The following KHDRBS2 variants were observed in gnomAD, a reference collection of about 807,000 sequenced individuals.
KHDRBS2 encodes KH domain-containing, RNA-binding, signal transduction-associated protein 2.
In KHDRBS2, 26 loss-of-function variants were observed where a neutral mutation model predicts 44.3. That is an observed-to-expected ratio of 0.59 (90% CI 0.43 to 0.81). KHDRBS2 has a LOEUF of 0.81. Among genes scored for constraint, KHDRBS2 ranks in the 40% least tolerant of loss-of-function variants. KHDRBS2 has a pLI of 0.00. For missense variants in KHDRBS2, 476 were observed against 433.1 expected (o/e 1.10, Z -0.88); for synonymous variants, 194 against 151.1 (o/e 1.28, Z -2.08).
In KHDRBS2 at chr6:61,818,266, T is replaced by TAAAAAAAAAAA. The variant is rs60399147; in HGVS notation, c.810+76358_810+76368dup. On this transcript the variant is annotated intron_variant, in intron 6 of 8. Coordinates refer to ENST00000281156, the MANE Select transcript of KHDRBS2 (RefSeq NM_152688.4). ...ATTGGGCAGAGAAAACCTCTGTAAG[T>TAAAAAAAAAAA]AAAAAAAAAAAAAAAAAGGATAGTA... Among the ~76,000 whole-genome samples the TAAAAAAAAAAA allele has an allele frequency of 9.7e-3, 1,104 of 114,110 alleles. 25 individuals are homozygous for TAAAAAAAAAAA. The highest frequency in any genetic ancestry group is 0.033 in the African/African-American group (1,047 of 31,568). The allele number at this position is 114,110 out of a possible 152,430, so 74.9% of individuals were successfully genotyped here.
At chr6:61,717,903 ATTTAGGTTTTCAGGTAGTAG>A (rs1210989377) in intron 7 of KHDRBS2, among the ~76,000 whole-genome samples, 1 of 152,002 alleles carries the variant, frequency 6.6e-6, no homozygotes, top group African/African-American at 2.4e-5. Flanking sequence ...GTCTGAATTG[ATTTAGGTTTTCAGGTAGTAG>A]TATCTGTTGG....
At chr6:62,237,840 G>T (rs1833945468) in intron 1 of KHDRBS2, among the ~76,000 whole-genome samples, 2 of 152,008 alleles carry the variant, frequency 1.3e-5, no homozygotes, top group South Asian at 4.1e-4. Context: ...GGAGTTTCAG[G>T]CCAGCTTGGC....
At chr6:61,597,089 T>C in the KHDRBS2 span, among the ~76,000 whole-genome samples, 37 of 152,350 alleles carry the variant, frequency 2.4e-4, no homozygotes, top group Middle Eastern at 3.4e-3. Context: ...TAAGGCATGA[T>C]AGTCAGGAAA....
At chr6:61,670,421 A>G in the KHDRBS2 span, among the ~76,000 whole-genome samples, 2 of 151,532 alleles carry the variant, frequency 1.3e-5, no homozygotes, top group East Asian at 3.9e-4. Flanking sequence ...ATAAAGCAGC[A>G]TATCTACATA....
Position 62,187,469 on chromosome 6 carries a change from G to T in KHDRBS2, c.92-10157C>A, listed in dbSNP as rs565635388. Reference sequence around the variant, plus strand: ...ATCTTACAGTCTAGGGAGGTAGAAAGTAAATGAATAGGTAAATTATAATGT... The same window carrying T: ...ATCTTACAGTCTAGGGAGGTAGAAATTAAATGAATAGGTAAATTATAATGT... On this transcript the variant is annotated intron_variant, in intron 1 of 8. Transcript: ENST00000281156. Among the ~76,000 whole-genome samples the T allele has an allele frequency of 3.9e-5, 6 of 152,216 alleles. No homozygotes were observed. The South Asian group carries it at 1.2e-3, about 32-fold the overall frequency.
chr6:62,148,452 G>C (rs1300744723), intron 2 of KHDRBS2, among the ~76,000 whole-genome samples: 2 of 151,932 alleles, frequency 1.3e-5, no homozygotes, highest in African/African-American at 2.4e-5. Context: ...ATGGTAAGCA[G>C]TATATAGCTA....
At chr6:61,772,245 T>C (rs1287925013) in intron 6 of KHDRBS2, among the ~76,000 whole-genome samples, 1 of 151,790 alleles carries the variant, frequency 6.6e-6, no homozygotes, top group Non-Finnish European at 1.5e-5. Context: ...CACCCTAACA[T>C]CACAATTAAA....
At chr6:62,146,482 G>A (rs545091066) in intron 2 of KHDRBS2, among the ~76,000 whole-genome samples, 12 of 148,782 alleles carry the variant, frequency 8.1e-5, no homozygotes, top group African/African-American at 2.0e-4. Context: ...AAAAAAAAAC[G>A]GTTTAAAAAT....
intron 6 of KHDRBS2, among the ~76,000 whole-genome samples, chr6:61,765,179 T>C (rs1582685094): frequency 6.6e-6 from 1 of 152,250 alleles, no homozygotes; most frequent in East Asian, 1.9e-4. Flanking sequence ...AGCATTTCTA[T>C]AATCCCAGCA....
At chr6:62,034,684 T>C (rs1465688808) in intron 3 of KHDRBS2, among the ~76,000 whole-genome samples, 4 of 136,884 alleles carry the variant, frequency 2.9e-5, no homozygotes, top group Non-Finnish European at 6.2e-5. Context: ...GCTAGTATCA[T>C]TCTGAACAGA....
At chr6:61,825,301 A>G (rs1233970917) in intron 6 of KHDRBS2, among the ~76,000 whole-genome samples, 1 of 152,212 alleles carries the variant, frequency 6.6e-6, no homozygotes, top group Non-Finnish European at 1.5e-5. Flanking sequence ...AATTTAAAAT[A>G]GTGTTTCCAT....
intron 1 of KHDRBS2, among the ~76,000 whole-genome samples, chr6:62,224,952 T>G (rs766927638): frequency 5.9e-5 from 9 of 152,210 alleles, no homozygotes; most frequent in Non-Finnish European, 1.0e-4. Flanking sequence ...CAAGTTGGGC[T>G]AGTCTTGGTT....
chr6:62,092,544 G>A (rs1379083327), intron 2 of KHDRBS2, among the ~76,000 whole-genome samples: 1 of 152,086 alleles, frequency 6.6e-6, no homozygotes, highest in Non-Finnish European at 1.5e-5. Context: ...CTGCCCGTGG[G>A]CAAAATGGAT....
At chr6:62,260,666 A>G (rs1300618988) in intron 1 of KHDRBS2, among the ~76,000 whole-genome samples, 2 of 151,908 alleles carry the variant, frequency 1.3e-5, no homozygotes, top group African/African-American at 2.4e-5. Context: ...TTCAAGAACT[A>G]TATTTGTAGA....
rs1484175014 is a variant in KHDRBS2 at position 61,716,033 on chromosome 6, C to CTAT, written c.893+16646_893+16648dup. ...GCTGTCACCCACTGACAGGTAAAGA[C>CTAT]TATTATCCCTTCTCTTGAATCTGGC... is the stretch of plus-strand genomic sequence containing the variant. On this transcript the variant is annotated intron_variant, in intron 7 of 8. Coordinates refer to ENST00000281156, the MANE Select transcript of KHDRBS2 (RefSeq NM_152688.4). 1.6e-3 allele frequency among the ~76,000 whole-genome samples: 236 copies of CTAT among 151,666 alleles called. 1 individual carries two copies. Among genetic ancestry groups the CTAT allele is most frequent in the African/African-American group, 5.3e-3 (220 of 41,340 alleles).
At chr6:61,636,277 A>T in the KHDRBS2 span, among the ~76,000 whole-genome samples, 2 of 152,006 alleles carry the variant, frequency 1.3e-5, no homozygotes, top group Non-Finnish European at 2.9e-5. Context: ...TTTGATTTCT[A>T]TTTACTGTAT....
chr6:62,014,281 T>C (rs1418595278), intron 3 of KHDRBS2, among the ~76,000 whole-genome samples: 5 of 152,180 alleles, frequency 3.3e-5, no homozygotes, highest in South Asian at 2.1e-4. Context: ...AAATTTTCTT[T>C]CTTATAGTTT....
At chr6:61,756,944 AT>A (rs1384160370) in intron 6 of KHDRBS2, among the ~76,000 whole-genome samples, 1 of 152,180 alleles carries the variant, frequency 6.6e-6, no homozygotes, top group Non-Finnish European at 1.5e-5. Context: ...TTTTTCTAGA[AT>A]TTTATGTAAA....
intron 1 of KHDRBS2, among the ~76,000 whole-genome samples, chr6:62,269,088 A>G (rs576190498): frequency 1.3e-5 from 2 of 152,182 alleles, no homozygotes; most frequent in East Asian, 3.9e-4. Flanking sequence ...GACAACACAT[A>G]CAAAAATTAT....
Sources: gnomAD v4.1 joint callset for allele counts (sites outside exome capture counted in the v4.1 genomes callset) on GRCh38, gnomAD v4.1.1 for gene constraint, MANE v1.5 for transcripts, NCBI Gene and HGNC (gene_info 2026-07-23, HGNC 2026-07-21) for gene names.